ATF6: variants seen among roughly 807,000 people sequenced by gnomAD.
The protein encoded by ATF6 is activating transcription factor 6.
A neutral mutation model predicts 83.6 loss-of-function variants in ATF6; 53 were observed. The observed-to-expected ratio is 0.63, with a 90% confidence interval of 0.51 to 0.80. The LOEUF is 0.80. Ranked by LOEUF, ATF6 falls within the 30% of genes least tolerant of loss-of-function variation. ATF6 has a pLI of 0.00. For synonymous variants in ATF6, 288 were observed against 285.8 expected (o/e 1.01, Z -0.08); for missense variants, 744 against 797.9 (o/e 0.93, Z 0.81).
At chr1:161,810,324 A>G (rs1024790371) in intron 7 of ATF6, among the ~76,000 whole-genome samples, 3 of 152,170 alleles carry the variant, frequency 2.0e-5, no homozygotes, top group Non-Finnish European at 4.4e-5. Context: ...CTAGAGCAGG[A>G]GAAAGAGAGA....
chr1:161,793,706 G>T (rs1270864761), intron 6 of ATF6, among the ~76,000 whole-genome samples: 3 of 152,154 alleles, frequency 2.0e-5, no homozygotes, highest in African/African-American at 7.2e-5. Flanking sequence ...CTAAGAATTT[G>T]CCCTTAGCAG....
chr1:161,784,068 A>G lies in ATF6; in HGVS notation c.326A>G (p.Asp109Gly), dbSNP rs2271011. The G allele has an allele frequency of 1.4e-4, 227 of 1,613,136 alleles. No homozygotes were observed. Among genetic ancestry groups the G allele is most frequent in the Middle Eastern group, 3.3e-4 (2 of 6,060 alleles). Residue 109 changes from aspartate to glycine, a missense_variant, in exon 4 of 16, where the codon GAC (aspartate) becomes GGC (glycine). Asp to Gly is a moderately conservative substitution (Grantham distance 94). Coordinates refer to ENST00000367942, the MANE Select transcript of ATF6 (RefSeq NM_007348.4). The stretch of plus-strand genomic sequence containing the variant: ...TCAGTCTCGTCTCCTCGGTCAGTGG[A>G]CTCTTATTCTTCAACTCAGCATGTT... ...SYSVSSPRSV[D>G]SYSSTQHVPE...
chr1:161,931,406 A>G (rs897170009), intron 15 of ATF6, among the ~76,000 whole-genome samples: 5 of 152,150 alleles, frequency 3.3e-5, no homozygotes, highest in African/African-American at 7.2e-5. Context: ...GCCTTCCACT[A>G]TCTTTTTCAG....
In ATF6 at chr1:161,958,600, C is replaced by G. The variant is rs753194226; in HGVS notation, c.1959C>G (p.Pro653=). 1.5e-5 allele frequency: 24 copies of G among 1,613,940 alleles called. No homozygotes were observed. In the South Asian group the frequency reaches 2.5e-4, roughly 17 times the overall value. Residue 653 remains proline, a synonymous_variant, in exon 16 of 16, where the codon CCC becomes CCG. Transcript: ENST00000367942. ...CCAACACCTTCTTTGGCTCCCCTCCCGCAGCCACAGAGGCAACCCACGTTG... is the reference window on the plus strand; with the variant it reads ...CCAACACCTTCTTTGGCTCCCCTCCGGCAGCCACAGAGGCAACCCACGTTG... ...NQTNTFFGSP[P]AATEATHVVS...
chr1:161,766,492 G>T, intron 1 of ATF6, 50 bp downstream of exon 1: 1 of 1,574,390 alleles, frequency 6.4e-7, no homozygotes, highest in Non-Finnish European at 8.7e-7. Flanking sequence ...CGCGTCTAAA[G>T]GTTTCTTCCT....
intron 2 of ATF6, among the ~76,000 whole-genome samples, chr1:161,779,024 A>G (rs1221964612): frequency 6.6e-6 from 1 of 152,224 alleles, no homozygotes. Flanking sequence ...CAAAATATGT[A>G]AAGATTGCTT....
At chr1:161,858,490 A>T (rs1242991028) in intron 12 of ATF6, among the ~76,000 whole-genome samples, 1 of 152,182 alleles carries the variant, frequency 6.6e-6, no homozygotes, top group Non-Finnish European at 1.5e-5. Flanking sequence ...ATTAATCAGA[A>T]AAAGTAGACT....
rs747998336 is a variant in ATF6 at position 161,792,330 on chromosome 1, AC to A, written c.688+5del. The A allele has an allele frequency of 6.2e-7, 1 of 1,612,704 alleles. No individual in the cohort carries two copies. Among genetic ancestry groups the A allele is most frequent in the South Asian group, 1.1e-5 (1 of 91,030 alleles). On this transcript the variant is annotated splice_donor_region_variant and intron_variant, in intron 6 of 15. Coordinates refer to ENST00000367942, the MANE Select transcript of ATF6 (RefSeq NM_007348.4). ...TTTACAACCTGCACCCACTAAAGGTACCTGAGCAGAATTTAAGGCTGTGTAA... is the reference window on the plus strand; with the variant it reads ...TTTACAACCTGCACCCACTAAAGGTACTGAGCAGAATTTAAGGCTGTGTAA...
chr1:161,782,857 ATGGG>A (rs1334985258), intron 3 of ATF6, among the ~76,000 whole-genome samples: 1 of 152,226 alleles, frequency 6.6e-6, no homozygotes, highest in African/African-American at 2.4e-5. Context: ...GCTAGAATCT[ATGGG>A]TCACGAATTT....
chr1:161,880,384 C>G (rs1687297092), intron 14 of ATF6, among the ~76,000 whole-genome samples: 1 of 151,724 alleles, frequency 6.6e-6, no homozygotes, highest in Non-Finnish European at 1.5e-5. Flanking sequence ...GTGAAATCAT[C>G]ACCATAGTCA....
intron 15 of ATF6, among the ~76,000 whole-genome samples, chr1:161,942,082 C>T (rs1688658084): frequency 6.6e-6 from 1 of 152,080 alleles, no homozygotes; most frequent in Non-Finnish European, 1.5e-5. Flanking sequence ...AATACAACAG[C>T]TTTCTCTGGG....
chr1:161,803,619 A>G (rs1383139908), intron 7 of ATF6, among the ~76,000 whole-genome samples: 3 of 152,308 alleles, frequency 2.0e-5, no homozygotes, highest in African/African-American at 7.2e-5. Flanking sequence ...CAAAATGTTG[A>G]TAATGATGGA....
At chr1:161,837,332 A>G (rs1686248427) in intron 9 of ATF6, among the ~76,000 whole-genome samples, 1 of 152,182 alleles carries the variant, frequency 6.6e-6, no homozygotes, top group Non-Finnish European at 1.5e-5. Flanking sequence ...ACATAATTTT[A>G]AGTGTCATTC....
intron 10 of ATF6, among the ~76,000 whole-genome samples, chr1:161,848,793 A>C (rs1025666344): frequency 6.6e-6 from 1 of 152,122 alleles, no homozygotes; most frequent in African/African-American, 2.4e-5. Flanking sequence ...TTCTCTTGGC[A>C]TAAAATGTTT....
At chr1:161,870,323 CT>C (rs757331997) in intron 14 of ATF6, among the ~76,000 whole-genome samples, 1 of 151,750 alleles carries the variant, frequency 6.6e-6, no homozygotes, top group Non-Finnish European at 1.5e-5. Flanking sequence ...TATAGTATAG[CT>C]TCAGATTTCA....
chr1:161,934,140 G>T (rs1437718435), intron 15 of ATF6, among the ~76,000 whole-genome samples: 2 of 152,194 alleles, frequency 1.3e-5, no homozygotes, highest in Non-Finnish European at 1.5e-5. Context: ...GGTGTGAATT[G>T]ATAATGATCC....
In ATF6 at chr1:161,853,268, AAAGGACCAAGTCAAG is replaced by A; in HGVS notation, c.1482_1496del (p.Thr495_Arg499del). On this transcript the variant is annotated inframe_deletion, in exon 12 of 16. Transcript: ENST00000367942. The stretch of plus-strand genomic sequence containing the variant: ...GGATGGGTTCATAGACATGAAGTAG[AAAGGACCAAGTCAAG>A]AAGAATGACAAATAATCAACAGAAA... 6.2e-7 allele frequency: 1 copy of A among 1,613,930 alleles called. No homozygotes were observed.
At chr1:161,911,425 C>T (rs1343394973) in intron 14 of ATF6, among the ~76,000 whole-genome samples, 1 of 152,182 alleles carries the variant, frequency 6.6e-6, no homozygotes, top group African/African-American at 2.4e-5. Flanking sequence ...TTTTTCAAAA[C>T]ACTTATACTC....
Position 161,801,047 on chromosome 1 carries a change from T to C in ATF6, c.689-1005T>C, listed in dbSNP as rs112036396. On this transcript the variant is annotated intron_variant, in intron 6 of 15. Coordinates refer to ENST00000367942, the MANE Select transcript of ATF6 (RefSeq NM_007348.4). Reference sequence around the variant, plus strand: ...TTGAGTATCCCTTATCCAAAATACTTAGGACCAGAAGTGTGGAGTTTTCCA... The same window carrying C: ...TTGAGTATCCCTTATCCAAAATACTCAGGACCAGAAGTGTGGAGTTTTCCA... Among the ~76,000 whole-genome samples the C allele has an allele frequency of 2.6e-3, 393 of 152,264 alleles. 3 individuals carry two copies. The highest frequency in any genetic ancestry group is 8.8e-3 in the African/African-American group (365 of 41,550).
Sources: allele counts gnomAD v4.1 joint callset (sites outside exome capture counted in the v4.1 genomes callset), GRCh38; gene constraint gnomAD v4.1.1; transcripts MANE v1.5; gene names NCBI Gene and HGNC (gene_info 2026-07-23, HGNC 2026-07-21).